The following OR1L8 variants were observed in gnomAD, a reference collection of about 807,000 sequenced individuals.
OR1L8 encodes olfactory receptor 1L8.
For missense variants in OR1L8, 330 were observed against 377.4 expected (o/e 0.87, Z 1.04); for synonymous variants, 148 against 147.0 (o/e 1.01, Z -0.05).
rs529482342 is a variant in OR1L8 at position 122,582,760 on chromosome 9, T to C, written c.-600+561A>G. Among the ~76,000 whole-genome samples the C allele has an allele frequency of 9.1e-4, 138 of 151,810 alleles. 1 individual carries two copies. Among genetic ancestry groups the C allele is most frequent in the African/African-American group, 2.9e-3 (119 of 41,362 alleles). On this transcript the variant is annotated intron_variant, in intron 1 of 4. Coordinates refer to ENST00000641027, the MANE Select transcript of OR1L8 (RefSeq NM_001004454.2). ...TAAGTTAAAGGAAAAAAAGACATAA[T>C]GAGCAAGAGTTAGCAGAAATAACAA...
At chr9:122,557,278 G>T in the OR1L8 span, among the ~76,000 whole-genome samples, 1 of 151,932 alleles carries the variant, frequency 6.6e-6, no homozygotes, top group Non-Finnish European at 1.5e-5. Flanking sequence ...GTAATGAGGG[G>T]GGACATTTTT....
the OR1L8 span, among the ~76,000 whole-genome samples, chr9:122,547,620 A>AGTGTGTGT: frequency 0.016 from 2,288 of 142,962 alleles, 33 homozygotes; most frequent in African/African-American, 0.039. Flanking sequence ...GTAGTAGTTC[A>AGTGTGTGT]GTGTGTGTGT....
intron 1 of OR1L8, among the ~76,000 whole-genome samples, chr9:122,578,826 A>C (rs976578687): frequency 6.6e-6 from 1 of 152,118 alleles, no homozygotes; most frequent in Non-Finnish European, 1.5e-5. Flanking sequence ...GAAGGTGAGA[A>C]ATAAAAGACT....
At position 122,568,557 on chromosome 9, in the gene OR1L8, C is replaced by A; in HGVS notation, c.-80G>T. 1.2e-6 allele frequency: 1 copy of A among 837,870 alleles called. No homozygotes were observed. Among genetic ancestry groups the A allele is most frequent in the Non-Finnish European group, 1.9e-6 (1 of 532,710 alleles). The allele number at this position is 837,870 out of a possible 1,614,324, so 51.9% of individuals were successfully genotyped here. A position where few individuals can be genotyped will look rare whatever the true frequency, so the allele number is the denominator to read the frequency against. ...CATAACACCAATCATGAGAACCTAG[C>A]AAGTCTTTGTTTCTTCTGTTTGGTC... On this transcript the variant is annotated 5_prime_UTR_variant, in exon 5 of 5. Coordinates refer to ENST00000641027, the MANE Select transcript of OR1L8 (RefSeq NM_001004454.2).
downstream of OR1L8, among the ~76,000 whole-genome samples, chr9:122,562,836 A>G (rs749335483): frequency 1.1e-4 from 17 of 152,262 alleles, no homozygotes; most frequent in Admixed American, 5.2e-4. Flanking sequence ...GCTGCCACAA[A>G]AGAATAAAAA....
the OR1L8 span, chr9:122,553,074 C>A: frequency 5.9e-6 from 5 of 848,660 alleles, no homozygotes; most frequent in South Asian, 5.3e-5. Flanking sequence ...TTCTTATTGG[C>A]AAAGACCATT....
chr9:122,548,915 G>A, the OR1L8 span, among the ~76,000 whole-genome samples: 1 of 151,904 alleles, frequency 6.6e-6, no homozygotes, highest in East Asian at 1.9e-4. Context: ...CCATTCTTCA[G>A]GTGGTTTGTT....
chr9:122,568,696 G>A lies in OR1L8; in HGVS notation c.-212-7C>T. Reference sequence around the variant, plus strand: ...AAGGGCATTATATTGAAATCTGGAGGGACAGAGGGAGAGTTTTCCTTTAGA... The same window carrying A: ...AAGGGCATTATATTGAAATCTGGAGAGACAGAGGGAGAGTTTTCCTTTAGA... On this transcript the variant is annotated splice_polypyrimidine_tract_variant and splice_region_variant and intron_variant, in intron 4 of 4. Transcript: ENST00000641027. The A allele has an allele frequency of 4.5e-6, 2 of 447,746 alleles. No homozygotes were observed. Among genetic ancestry groups the A allele is most frequent in the South Asian group, 5.4e-5 (1 of 18,588 alleles). 27.7% of individuals were successfully genotyped at this position (447,746 alleles called of 1,614,324 possible).
chr9:122,565,825 C>G (rs1454494307), downstream of OR1L8, among the ~76,000 whole-genome samples: 4 of 152,084 alleles, frequency 2.6e-5, no homozygotes. Flanking sequence ...AACTGTTTGC[C>G]TAGTATTTTA....
downstream of OR1L8, among the ~76,000 whole-genome samples, chr9:122,564,515 G>T (rs188246682): frequency 3.9e-5 from 6 of 152,240 alleles, no homozygotes; most frequent in East Asian, 9.6e-4. Context: ...GCAGAGATTC[G>T]TGCCACCATC....
the OR1L8 span, among the ~76,000 whole-genome samples, chr9:122,558,144 C>T: frequency 6.6e-6 from 1 of 151,306 alleles, no homozygotes; most frequent in Non-Finnish European, 1.5e-5. Flanking sequence ...TTTTATTGAT[C>T]TTTTCAAAGA....
chr9:122,571,067 C>T (rs567269647), intron 4 of OR1L8, among the ~76,000 whole-genome samples: 124 of 152,264 alleles, frequency 8.1e-4, no homozygotes, highest in African/African-American at 2.7e-3. Flanking sequence ...CTATGTTTTC[C>T]TCACTCTGAT....
At chr9:122,550,555 A>G in the OR1L8 span, among the ~76,000 whole-genome samples, 1 of 136,396 alleles carries the variant, frequency 7.3e-6, no homozygotes. Context: ...CACCATGATC[A>G]AGTGGGTTTT....
At chr9:122,551,219 T>C in the OR1L8 span, among the ~76,000 whole-genome samples, 3 of 152,152 alleles carry the variant, frequency 2.0e-5, no homozygotes, top group Non-Finnish European at 4.4e-5. Flanking sequence ...AAACCAACAA[T>C]GATACTAGAA....
chr9:122,553,294 C>T, the OR1L8 span: 3 of 1,614,046 alleles, frequency 1.9e-6, no homozygotes, highest in Non-Finnish European at 2.5e-6. Flanking sequence ...GAGGAGCAGC[C>T]TCTTCTGTTT....
chr9:122,568,482 T>G lies in OR1L8; in HGVS notation c.-5A>C. ...GGTGTGGTTGATTCTTTCCATTGAC[T>G]TGGGCTCAGTTATAAACAAGAAGTT... On this transcript the variant is annotated 5_prime_UTR_variant, in exon 5 of 5. Transcript: ENST00000641027. 6.5e-7 allele frequency: 1 copy of G among 1,535,774 alleles called. No homozygotes were observed. Among genetic ancestry groups the G allele is most frequent in the South Asian group, 1.2e-5 (1 of 81,536 alleles).
At chr9:122,558,631 G>C in the OR1L8 span, among the ~76,000 whole-genome samples, 4 of 151,598 alleles carry the variant, frequency 2.6e-5, no homozygotes, top group Admixed American at 6.6e-5. Context: ...CATTGGGAAG[G>C]TTGGTCCAAA....
chr9:122,552,001 T>A, the OR1L8 span, among the ~76,000 whole-genome samples: 28,325 of 144,100 alleles, frequency 0.2, 3,117 homozygotes, highest in Middle Eastern at 0.24. Context: ...TGATCCATAA[T>A]CTGACAGGTG....
chr9:122,548,784 T>C, the OR1L8 span, among the ~76,000 whole-genome samples: 1 of 85,142 alleles, frequency 1.2e-5, no homozygotes. Context: ...CGGTGTGTGA[T>C]GTTCCCCTTC....
Sources: gnomAD v4.1 joint callset for allele counts (sites outside exome capture counted in the v4.1 genomes callset) on GRCh38, gnomAD v4.1.1 for gene constraint, MANE v1.5 for transcripts, NCBI Gene and HGNC (gene_info 2026-07-23, HGNC 2026-07-21) for gene names.